KIAA1217: variants seen among roughly 807,000 people sequenced by gnomAD.
KIAA1217 encodes sickle tail protein homolog.
In KIAA1217, 88 loss-of-function variants were observed where a neutral mutation model predicts 163.9. The observed-to-expected ratio is 0.54, with a 90% CI of 0.45 to 0.64. KIAA1217 has a LOEUF of 0.64. Ranked by LOEUF, KIAA1217 falls within the 30% of genes least tolerant of loss-of-function variation. The pLI, the probability that KIAA1217 is intolerant of heterozygous loss-of-function variation, is 0.00. For missense variants in KIAA1217, 2,372 were observed against 2,475.0 expected, an observed-to-expected ratio of 0.96 and a Z score of 0.88; for synonymous variants, 903 against 923.1, an observed-to-expected ratio of 0.98 and a Z score of 0.39.
Position 23,901,817 on chromosome 10 carries a change from A to C in KIAA1217, c.-320-105408A>C, listed in dbSNP as rs142361115. 4.3e-3 allele frequency among the ~76,000 whole-genome samples: 651 copies of C among 151,498 alleles called. 6 individuals are homozygous for C. Among genetic ancestry groups the C allele is most frequent in the African/African-American group, 0.015 (630 of 41,238 alleles). On this transcript the variant is annotated intron_variant, in intron 1 of 18. Transcript: ENST00000376462. ...TCCCAGCTACTCAGGAGCCTTAACCAGGAGAATCGTTTGAACCTGGGAGGT... is the reference window on the plus strand; with the variant it reads ...TCCCAGCTACTCAGGAGCCTTAACCCGGAGAATCGTTTGAACCTGGGAGGT...
chr10:24,060,977 A>G (rs537395157), intron 2 of KIAA1217, among the ~76,000 whole-genome samples: 3 of 152,322 alleles, frequency 2.0e-5, no homozygotes, highest in South Asian at 4.1e-4. Context: ...GCTCAAATTC[A>G]CTGTATCTTT....
chr10:23,875,302 ACT>A (rs1564497615), intron 1 of KIAA1217, among the ~76,000 whole-genome samples: 1 of 152,034 alleles, frequency 6.6e-6, no homozygotes, highest in African/African-American at 2.4e-5. Flanking sequence ...AGGGACCAGG[ACT>A]CTGATAGGAG....
At chr10:24,080,586 AG>A (rs1163989707) in intron 2 of KIAA1217, among the ~76,000 whole-genome samples, 6 of 152,208 alleles carry the variant, frequency 3.9e-5, no homozygotes, top group Non-Finnish European at 5.9e-5. Context: ...TAGGAAAAAA[AG>A]CCTGTCTCCA....
intron 1 of KIAA1217, among the ~76,000 whole-genome samples, chr10:23,895,922 C>G (rs1255900535): frequency 1.4e-5 from 2 of 143,702 alleles, no homozygotes; most frequent in Admixed American, 1.5e-4. Context: ...TATTCTCACT[C>G]GTAGGTGGGA....
At chr10:24,145,099 G>A (rs1484625606) in intron 2 of KIAA1217, among the ~76,000 whole-genome samples, 1 of 152,210 alleles carries the variant, frequency 6.6e-6, no homozygotes, top group African/African-American at 2.4e-5. Context: ...CTGTTTCAGG[G>A]TTGCATAGAG....
intron 2 of KIAA1217, among the ~76,000 whole-genome samples, chr10:24,008,191 T>C (rs1165337407): frequency 6.6e-6 from 1 of 152,040 alleles, no homozygotes; most frequent in Non-Finnish European, 1.5e-5. Context: ...GATAGATAGA[T>C]AGATAGATAG....
intron 2 of KIAA1217, among the ~76,000 whole-genome samples, chr10:24,033,055 T>TA (rs1848250771): frequency 6.6e-6 from 1 of 152,132 alleles, no homozygotes; most frequent in South Asian, 2.1e-4. Context: ...TATTTTGCAA[T>TA]AAAAACCCAA....
At chr10:24,459,491 G>A (rs2062140370) in intron 5 of KIAA1217, among the ~76,000 whole-genome samples, 1 of 152,186 alleles carries the variant, frequency 6.6e-6, no homozygotes, top group South Asian at 2.1e-4. Flanking sequence ...ATGTCTTACA[G>A]ATCCCTTTTC....
chr10:23,823,992 C>T (rs1837748861), intron 1 of KIAA1217, among the ~76,000 whole-genome samples: 1 of 151,948 alleles, frequency 6.6e-6, no homozygotes, highest in Admixed American at 6.6e-5. Context: ...GAGGGACACA[C>T]CGGGCATGGT....
At chr10:24,173,980 C>T (rs1355525817) in intron 2 of KIAA1217, among the ~76,000 whole-genome samples, 1 of 152,200 alleles carries the variant, frequency 6.6e-6, no homozygotes, top group African/African-American at 2.4e-5. Flanking sequence ...CCCTCAGGAA[C>T]ATGTGCCTTG....
intron 1 of KIAA1217, among the ~76,000 whole-genome samples, chr10:23,851,670 A>G (rs1321086846): frequency 6.6e-6 from 1 of 152,060 alleles, no homozygotes; most frequent in African/African-American, 2.4e-5. Context: ...CCTCTCCAGC[A>G]CCTGCTGTTT....
At chr10:24,364,127 C>T (rs889502418) in intron 2 of KIAA1217, among the ~76,000 whole-genome samples, 10 of 151,854 alleles carry the variant, frequency 6.6e-5, no homozygotes, top group African/African-American at 1.7e-4. Context: ...TACAGGCGCC[C>T]ACCACCACGC....
At chr10:24,459,601 T>C (rs2062154239) in intron 5 of KIAA1217, among the ~76,000 whole-genome samples, 1 of 151,872 alleles carries the variant, frequency 6.6e-6, no homozygotes, top group Admixed American at 6.6e-5. Flanking sequence ...AGAGAAAGTC[T>C]ACATGAGATT....
chr10:24,225,527 C>T (rs1292986040), intron 2 of KIAA1217, among the ~76,000 whole-genome samples: 1 of 152,172 alleles, frequency 6.6e-6, no homozygotes, highest in Admixed American at 6.5e-5. Context: ...TTCTTTCATT[C>T]AGTGCTTAGT....
chr10:24,238,878 A>C (rs2072662658), intron 2 of KIAA1217, among the ~76,000 whole-genome samples: 1 of 152,174 alleles, frequency 6.6e-6, no homozygotes, highest in East Asian at 1.9e-4. Flanking sequence ...TGTTTTTTGC[A>C]AAACAGCTCA....
intron 1 of KIAA1217, among the ~76,000 whole-genome samples, chr10:23,728,696 T>C (rs900955685): frequency 2.6e-5 from 4 of 152,206 alleles, no homozygotes; most frequent in African/African-American, 9.7e-5. Context: ...ATTCAGGACA[T>C]AGGCATGGGC....
intron 2 of KIAA1217, among the ~76,000 whole-genome samples, chr10:24,130,131 T>C (rs986974683): frequency 4.6e-5 from 7 of 152,140 alleles, no homozygotes; most frequent in African/African-American, 1.7e-4. Context: ...ACTCAACCTT[T>C]CAATGAAAAC....
chr10:23,793,501 C>T (rs1014104107), intron 1 of KIAA1217, among the ~76,000 whole-genome samples: 1 of 152,114 alleles, frequency 6.6e-6, no homozygotes, highest in African/African-American at 2.4e-5. Flanking sequence ...TGTTTGCTTC[C>T]TGGACATTTT....
chr10:24,033,504 A>G (rs1848273143), intron 2 of KIAA1217, among the ~76,000 whole-genome samples: 1 of 152,214 alleles, frequency 6.6e-6, no homozygotes, highest in Admixed American at 6.5e-5. Context: ...ATTAAGTTAG[A>G]ATCAATATTG....
Sources: allele counts gnomAD v4.1 joint callset (sites outside exome capture counted in the v4.1 genomes callset), GRCh38; gene constraint gnomAD v4.1.1; transcripts MANE v1.5; gene names NCBI Gene and HGNC (gene_info 2026-07-23, HGNC 2026-07-21).